Variants in AGBL4 observed in about 807,000 individuals in gnomAD.
The protein encoded by AGBL4 is AGBL carboxypeptidase 4.
Under a neutral mutation model 66.4 loss-of-function variants are expected in AGBL4, and 58 were observed. The observed-to-expected ratio is 0.87, with a 90% CI of 0.71 to 1.09. The LOEUF (loss-of-function observed/expected upper bound fraction) is 1.09, where lower values mean the gene tolerates loss of function less well. AGBL4 is among the 50% of genes least tolerant of loss of function. AGBL4 has a pLI of 0.00. For missense variants in AGBL4, 579 were observed against 631.0 expected, an observed-to-expected ratio of 0.92 and a Z score of 0.88; for synonymous variants, 234 against 222.9, an observed-to-expected ratio of 1.05 and a Z score of -0.44.
chr1:49,397,419 C>G (rs1179251518), intron 3 of AGBL4, among the ~76,000 whole-genome samples: 1 of 152,124 alleles, frequency 6.6e-6, no homozygotes, highest in African/African-American at 2.4e-5. Flanking sequence ...TCAATTATTT[C>G]CCTTCTCTGA....
intron 3 of AGBL4, among the ~76,000 whole-genome samples, chr1:49,263,702 T>C (rs553850523): frequency 2.0e-5 from 3 of 152,164 alleles, no homozygotes; most frequent in Admixed American, 6.6e-5. Context: ...CTGGTAAGCA[T>C]GTAAAATAGA....
chr1:49,686,407 G>T (rs979981647), intron 3 of AGBL4, among the ~76,000 whole-genome samples: 1 of 152,154 alleles, frequency 6.6e-6, no homozygotes, highest in African/African-American at 2.4e-5. Context: ...CAGGGCTAAA[G>T]CATGCAGCCC....
chr1:49,106,775 A>G (rs963574517), intron 4 of AGBL4, among the ~76,000 whole-genome samples: 12 of 152,152 alleles, frequency 7.9e-5, no homozygotes, highest in Non-Finnish European at 1.2e-4. Context: ...TTCCTCAACT[A>G]TCCTTTAAAT....
At chr1:49,206,146 A>G (rs1364108841) in intron 4 of AGBL4, among the ~76,000 whole-genome samples, 1 of 152,154 alleles carries the variant, frequency 6.6e-6, no homozygotes, top group Non-Finnish European at 1.5e-5. Flanking sequence ...GTGGGCAAAG[A>G]AAAGTCTAGA....
chr1:49,863,219 G>A (rs1225342639), intron 1 of AGBL4, among the ~76,000 whole-genome samples: 1 of 152,090 alleles, frequency 6.6e-6, no homozygotes, highest in East Asian at 1.9e-4. Flanking sequence ...ATGGTGCTGG[G>A]AAAACAGGAT....
At chr1:48,814,047 T>C (rs1211710346) in intron 6 of AGBL4, among the ~76,000 whole-genome samples, 1 of 152,128 alleles carries the variant, frequency 6.6e-6, no homozygotes, top group African/African-American at 2.4e-5. Context: ...GAGGTTAGAT[T>C]TGGGTATTTT....
chr1:49,063,369 A>G lies in AGBL4; in HGVS notation c.378-17569T>C, dbSNP rs1287715810. 1.2e-4 allele frequency among the ~76,000 whole-genome samples: 19 copies of G among 152,226 alleles called. 1 individual carries two copies. Among genetic ancestry groups the G allele is most frequent in the Admixed American group, 1.2e-3 (19 of 15,280 alleles). On this transcript the variant is annotated intron_variant, in intron 4 of 13. Coordinates refer to ENST00000371839, the MANE Select transcript of AGBL4 (RefSeq NM_032785.4). ...AACAGGTAAATAGAATTTGGATGGC[A>G]AAAAACATGGCAAAGAGGTCGGGGG...
At chr1:49,676,594 A>T (rs560358315) in intron 3 of AGBL4, among the ~76,000 whole-genome samples, 1 of 152,234 alleles carries the variant, frequency 6.6e-6, no homozygotes, top group South Asian at 2.1e-4. Context: ...TGTTCTTAGT[A>T]AATTCTTATT....
intron 6 of AGBL4, among the ~76,000 whole-genome samples, chr1:48,695,086 ACTGTGTCACTCAGAGAATATAGGACT>A (rs1211816233): frequency 6.6e-6 from 1 of 152,220 alleles, no homozygotes; most frequent in Non-Finnish European, 1.5e-5. Flanking sequence ...AGAGTCCATG[ACTGTGTCACTCAGAGAATATAGGACT>A]CTGTGACGGG....
chr1:49,060,470 A>G (rs558740499), intron 4 of AGBL4, among the ~76,000 whole-genome samples: 3 of 152,180 alleles, frequency 2.0e-5, no homozygotes, highest in African/African-American at 7.2e-5. Flanking sequence ...TCATGAGATA[A>G]GAGATTTTAA....
intron 9 of AGBL4, among the ~76,000 whole-genome samples, chr1:48,605,237 G>A (rs938200920): frequency 6.6e-6 from 1 of 152,154 alleles, no homozygotes; most frequent in African/African-American, 2.4e-5. Context: ...CCAAGAGCAT[G>A]AATTATTGGT....
chr1:49,883,527 T>C (rs2148149067), intron 1 of AGBL4, among the ~76,000 whole-genome samples: 1 of 152,264 alleles, frequency 6.6e-6, no homozygotes. Context: ...TTTTTATCAC[T>C]ACTTTCCCTG....
intron 9 of AGBL4, among the ~76,000 whole-genome samples, chr1:48,607,212 T>G (rs1254876870): frequency 6.6e-6 from 1 of 152,230 alleles, no homozygotes; most frequent in Non-Finnish European, 1.5e-5. Context: ...AAATTTAAAT[T>G]AATTAAAATT....
intron 1 of AGBL4, among the ~76,000 whole-genome samples, chr1:49,860,808 T>A (rs1367984891): frequency 2.0e-5 from 3 of 151,572 alleles, no homozygotes; most frequent in Non-Finnish European, 2.9e-5. Flanking sequence ...TTAACAACTA[T>A]CTACACAGAA....
intron 5 of AGBL4, among the ~76,000 whole-genome samples, chr1:49,006,219 G>A (rs1365488015): frequency 1.8e-4 from 28 of 152,248 alleles, no homozygotes; most frequent in Admixed American, 6.5e-4. Context: ...CTCGGGAAGC[G>A]CAAGGGGTCA....
intron 6 of AGBL4, among the ~76,000 whole-genome samples, chr1:48,849,677 A>G (rs1646990299): frequency 6.6e-6 from 1 of 152,232 alleles, no homozygotes; most frequent in Admixed American, 6.5e-5. Flanking sequence ...ATAATTATTT[A>G]AAACACTTTT....
rs1557856821 is a variant in AGBL4 at position 48,653,470 on chromosome 1, C to T, written c.725-19G>A. The stretch of plus-strand genomic sequence containing the variant: ...ATGATCCCTAGGGAAAGAGAAGAGC[C>T]CGGTTTAACAACAAAGCATTTCAAG... On this transcript the variant is annotated intron_variant, in intron 7 of 13. Transcript: ENST00000371839. 1 of 1,499,606 alleles carries T rather than the reference C, an allele frequency of 6.7e-7. No homozygotes were observed. Among genetic ancestry groups the T allele is most frequent in the Admixed American group, 2.1e-5 (1 of 48,506 alleles). 92.9% of individuals were successfully genotyped at this position (1,499,606 alleles called of 1,614,324 possible). A position where few individuals can be genotyped will look rare whatever the true frequency, so the allele number is the denominator to read the frequency against.
Position 49,160,876 on chromosome 1 carries a change from T to C in AGBL4, c.377+84894A>G, listed in dbSNP as rs540865598. Among the ~76,000 whole-genome samples the C allele has an allele frequency of 2.0e-5, 3 of 152,176 alleles. No individual in the cohort carries two copies. The South Asian group carries it at 6.2e-4, about 31-fold the overall frequency. On this transcript the variant is annotated intron_variant, in intron 4 of 13. Coordinates refer to ENST00000371839, the MANE Select transcript of AGBL4 (RefSeq NM_032785.4). Reference sequence around the variant, plus strand: ...AAGGGTAAAACGGCTTACTCAAGCCTCAGCAATGGCCAGTGCCCCTCCCCC... The same window carrying C: ...AAGGGTAAAACGGCTTACTCAAGCCCCAGCAATGGCCAGTGCCCCTCCCCC...
At chr1:49,446,616 G>A (rs561513508) in intron 3 of AGBL4, among the ~76,000 whole-genome samples, 21 of 152,214 alleles carry the variant, frequency 1.4e-4, no homozygotes, top group African/African-American at 4.8e-4. Flanking sequence ...TATGTCCCAG[G>A]GTGGTGTATG....
Sources: gnomAD v4.1 joint callset for allele counts (sites outside exome capture counted in the v4.1 genomes callset) on GRCh38, gnomAD v4.1.1 for gene constraint, MANE v1.5 for transcripts, NCBI Gene and HGNC (gene_info 2026-07-23, HGNC 2026-07-21) for gene names.